Variants in EXOC4 observed in about 807,000 individuals in gnomAD.
The protein encoded by EXOC4 is exocyst complex component 4, also known as SEC8-like 1.
In EXOC4, 71 loss-of-function variants were observed where a neutral mutation model predicts 107.2. The observed-to-expected ratio is 0.66, with a 90% CI of 0.55 to 0.81. The LOEUF is 0.81. Among genes scored for constraint, EXOC4 ranks in the 30% least tolerant of loss-of-function variants. The pLI is 0.00. For synonymous variants in EXOC4, 456 were observed against 441.2 expected (o/e 1.03, Z -0.42); for missense variants, 1,108 against 1,189.6 (o/e 0.93, Z 1.01).
intron 7 of EXOC4, among the ~76,000 whole-genome samples, chr7:133,444,241 G>A (rs1798167870): frequency 6.6e-6 from 1 of 152,202 alleles, no homozygotes; most frequent in African/African-American, 2.4e-5. Flanking sequence ...AATGGACCAA[G>A]GAGACCAGCA....
intron 14 of EXOC4, among the ~76,000 whole-genome samples, chr7:133,955,221 G>T (rs1287187299): frequency 3.3e-5 from 5 of 152,228 alleles, no homozygotes; most frequent in Non-Finnish European, 7.3e-5. Flanking sequence ...TGTGTGAGCA[G>T]AGTGAAGAGG....
At chr7:133,604,141 T>G (rs1801875802) in intron 9 of EXOC4, among the ~76,000 whole-genome samples, 1 of 152,198 alleles carries the variant, frequency 6.6e-6, no homozygotes, top group Non-Finnish European at 1.5e-5. Context: ...TGGAAGATCT[T>G]CAGGGACAAT....
chr7:133,880,907 T>C, intron 11 of EXOC4, among the ~76,000 whole-genome samples: 1 of 152,220 alleles, frequency 6.6e-6, no homozygotes, highest in Non-Finnish European at 1.5e-5. Context: ...TCTAAAGGCA[T>C]ATAGTTTTTT....
intron 12 of EXOC4, among the ~76,000 whole-genome samples, chr7:133,901,425 T>C (rs1410795436): frequency 1.3e-5 from 2 of 152,192 alleles, no homozygotes; most frequent in South Asian, 2.1e-4. Flanking sequence ...GGAGTTCATA[T>C]GTTTTTCTAA....
At chr7:133,545,740 C>T (rs1712015822) in intron 9 of EXOC4, among the ~76,000 whole-genome samples, 1 of 152,150 alleles carries the variant, frequency 6.6e-6, no homozygotes, top group Non-Finnish European at 1.5e-5. Context: ...AGTTACTTTG[C>T]AGTCTATATC....
intron 4 of EXOC4, among the ~76,000 whole-genome samples, chr7:133,317,058 T>G (rs1047804435): frequency 5.3e-5 from 8 of 152,132 alleles, no homozygotes; most frequent in Non-Finnish European, 1.2e-4. Context: ...AATAAAAATT[T>G]AAGTACTTGG....
chr7:133,258,074 G>A (rs1562991205), intron 1 of EXOC4, among the ~76,000 whole-genome samples: 1 of 152,202 alleles, frequency 6.6e-6, no homozygotes, highest in African/African-American at 2.4e-5. Flanking sequence ...ACATAATGGT[G>A]TTTGGTTTCT....
chr7:134,070,353 G>A (rs998752456), downstream of EXOC4, among the ~76,000 whole-genome samples: 9 of 152,212 alleles, frequency 5.9e-5, no homozygotes, highest in African/African-American at 2.2e-4. Flanking sequence ...TGGCGCAGGC[G>A]GAAGGCCTGC....
intron 10 of EXOC4, among the ~76,000 whole-genome samples, chr7:133,787,905 T>C (rs974741591): frequency 1.4e-5 from 2 of 140,358 alleles, no homozygotes; most frequent in Admixed American, 1.5e-4. Context: ...AAATAACTTA[T>C]TCAAGGTCAC....
intron 14 of EXOC4, among the ~76,000 whole-genome samples, chr7:133,981,119 G>GT (rs1320136496): frequency 1.3e-5 from 2 of 152,164 alleles, no homozygotes; most frequent in African/African-American, 4.8e-5. Flanking sequence ...TTAATTCTCT[G>GT]TTTTTTACTT....
Position 133,834,061 on chromosome 7 carries a change from A to G in EXOC4, c.1734+16517A>G, listed in dbSNP as rs143777659. 1.8e-3 allele frequency among the ~76,000 whole-genome samples: 277 copies of G among 152,306 alleles called. 4 individuals carry two copies. The highest frequency in any genetic ancestry group is 6.3e-3 in the African/African-American group (263 of 41,572). ...GACCCCTGCATATTAGTAAGATATA[A>G]TATAATCTCAGAGGCTTGACTAGAT... is the stretch of plus-strand genomic sequence containing the variant. On this transcript the variant is annotated intron_variant, in intron 11 of 17. Coordinates refer to ENST00000253861, the MANE Select transcript of EXOC4 (RefSeq NM_021807.4).
At chr7:133,629,350 A>T (rs1000142262) in intron 9 of EXOC4, among the ~76,000 whole-genome samples, 1 of 152,182 alleles carries the variant, frequency 6.6e-6, no homozygotes. Context: ...AATGGCAGGC[A>T]CTTCATCCTT....
chr7:133,768,972 A>G (rs2151160349), intron 10 of EXOC4, among the ~76,000 whole-genome samples: 1 of 152,146 alleles, frequency 6.6e-6, no homozygotes, highest in Middle Eastern at 3.4e-3. Flanking sequence ...AATTAGGCAG[A>G]TGAAGACAGA....
At chr7:133,592,389 T>C (rs533995574) in intron 9 of EXOC4, among the ~76,000 whole-genome samples, 1 of 152,106 alleles carries the variant, frequency 6.6e-6, no homozygotes, top group South Asian at 2.1e-4. Context: ...TACCTGGGAA[T>C]ATCTGGAGAG....
chr7:133,931,162 A>C (rs140743032), intron 13 of EXOC4, among the ~76,000 whole-genome samples: 153 of 152,186 alleles, frequency 1.0e-3, no homozygotes, highest in Non-Finnish European at 1.8e-3. Flanking sequence ...GAAAGGATCA[A>C]GTTCTTAGAT....
At chr7:133,636,447 G>A (rs1802714417) in intron 10 of EXOC4, among the ~76,000 whole-genome samples, 2 of 152,184 alleles carry the variant, frequency 1.3e-5, no homozygotes, top group African/African-American at 4.8e-5. Context: ...GAGTTTTATA[G>A]TATGTTGGAG....
intron 10 of EXOC4, among the ~76,000 whole-genome samples, chr7:133,765,328 A>G (rs1796113904): frequency 6.6e-6 from 1 of 152,066 alleles, no homozygotes; most frequent in Non-Finnish European, 1.5e-5. Flanking sequence ...TTAGAATAAC[A>G]TGTATGACAC....
At chr7:133,652,171 A>T (rs1803173451) in intron 10 of EXOC4, among the ~76,000 whole-genome samples, 4 of 152,226 alleles carry the variant, frequency 2.6e-5, no homozygotes, top group Admixed American at 1.3e-4. Context: ...TACCAGTGTA[A>T]GTATTAATAC....
At chr7:133,882,419 C>T (rs138524044) in intron 11 of EXOC4, among the ~76,000 whole-genome samples, 3 of 152,298 alleles carry the variant, frequency 2.0e-5, no homozygotes, top group African/African-American at 7.2e-5. Flanking sequence ...TTTACTCACT[C>T]AGTTAAGAAA....
Sources: gnomAD v4.1 joint callset for allele counts (sites outside exome capture counted in the v4.1 genomes callset) on GRCh38, gnomAD v4.1.1 for gene constraint, MANE v1.5 for transcripts, NCBI Gene and HGNC (gene_info 2026-07-23, HGNC 2026-07-21) for gene names.